The following DDI2 variants were observed in gnomAD, a reference collection of about 807,000 sequenced individuals.
DDI2 encodes DDI proteasomal shuttling factor 2.
A neutral mutation model predicts 48.1 loss-of-function variants in DDI2; 5 were observed. The observed-to-expected ratio is 0.10, with a 90% CI of 0.05 to 0.22. DDI2 has a LOEUF of 0.22. Ranked by LOEUF, DDI2 falls within the 10% of genes least tolerant of loss-of-function variation. DDI2 has a pLI of 1.00. For synonymous variants in DDI2, 205 were observed against 183.6 expected (o/e 1.12, Z -0.94); for missense variants, 285 against 506.2 (o/e 0.56, Z 4.19).
chr1:15,667,827 A>G lies in DDI2; in HGVS notation c.*8037A>G, dbSNP rs1245151282. On this transcript the variant is annotated 3_prime_UTR_variant, in exon 10 of 10. Coordinates refer to ENST00000480945, the MANE Select transcript of DDI2 (RefSeq NM_032341.5). The stretch of plus-strand genomic sequence containing the variant: ...AAGGTTTATCAGTTATGTATTGATG[A>G]TTGGTAATCTAGACCCTCTGGAGGC... The G allele has an allele frequency of 1.3e-5, 2 of 152,206 alleles. No homozygotes were observed. The highest frequency in any genetic ancestry group is 2.4e-5 in the African/African-American group (1 of 41,438). The allele number at this position is 152,206 out of a possible 1,614,324, so 9.4% of individuals were successfully genotyped here. A position where few individuals can be genotyped will look rare whatever the true frequency, so the allele number is the denominator to read the frequency against.
At position 15,661,109 on chromosome 1, in the gene DDI2, TCTC is replaced by T. The variant is rs1034421889; in HGVS notation, c.*1322_*1324del. 9 of 1,613,530 alleles carry T rather than the reference TCTC, an allele frequency of 5.6e-6. No individual in the cohort carries two copies. The highest frequency in any genetic ancestry group is 2.2e-5 in the South Asian group (2 of 91,000). ...ACCCAGAATGAACAGTGTCCACAAGTCTCCTTTCATCAGGCCATATCTGTATCA... is the reference window on the plus strand; with the variant it reads ...ACCCAGAATGAACAGTGTCCACAAGTCTTTCATCAGGCCATATCTGTATCA... On this transcript the variant is annotated 3_prime_UTR_variant, in exon 10 of 10. Coordinates refer to ENST00000480945, the MANE Select transcript of DDI2 (RefSeq NM_032341.5).
chr1:15,625,056 C>G (rs1437951348), intron 1 of DDI2, among the ~76,000 whole-genome samples: 4 of 152,160 alleles, frequency 2.6e-5, no homozygotes, highest in African/African-American at 9.7e-5. Flanking sequence ...TTCCTCATGT[C>G]TATAAATTCT....
rs146360104 is a variant in DDI2, at chr1:15,666,393, C to G, written c.*6603C>G. 13 of 152,330 alleles carry G rather than the reference C, an allele frequency of 8.5e-5. No individual in the cohort carries two copies. The highest frequency in any genetic ancestry group is 6.8e-3 in the Middle Eastern group (2 of 294). 9.4% of individuals were successfully genotyped at this position (152,330 alleles called of 1,614,324 possible). A position where few individuals can be genotyped will look rare whatever the true frequency, so the allele number is the denominator to read the frequency against. Reference sequence around the variant, plus strand: ...AGAGTGGTCCTCAGGCTCACCTTGACTGAGTTGATTCACAGTTATCCTGCA... The same window carrying G: ...AGAGTGGTCCTCAGGCTCACCTTGAGTGAGTTGATTCACAGTTATCCTGCA... On this transcript the variant is annotated 3_prime_UTR_variant, in exon 10 of 10. Coordinates refer to ENST00000480945, the MANE Select transcript of DDI2 (RefSeq NM_032341.5).
chr1:15,654,136 A>G (rs1411386304), intron 8 of DDI2, among the ~76,000 whole-genome samples: 2 of 152,194 alleles, frequency 1.3e-5, no homozygotes, highest in East Asian at 3.8e-4. Flanking sequence ...TTTCTAGTAC[A>G]GTAAATTATT....
At chr1:15,636,328 G>A (rs1043710128) in intron 4 of DDI2, among the ~76,000 whole-genome samples, 2 of 152,020 alleles carry the variant, frequency 1.3e-5, no homozygotes, top group African/African-American at 4.8e-5. Context: ...AGGTTTCGCC[G>A]TGTTGCCCAG....
At chr1:15,622,736 C>G (rs1269419531) in intron 1 of DDI2, among the ~76,000 whole-genome samples, 2 of 152,138 alleles carry the variant, frequency 1.3e-5, no homozygotes, top group Non-Finnish European at 2.9e-5. Context: ...GTTGGAAGAT[C>G]ACATGGATTT....
At chr1:15,649,942 G>T in intron 7 of DDI2, 119 bp downstream of exon 7, 1 of 935,296 alleles carries the variant, frequency 1.1e-6, no homozygotes, top group Non-Finnish European at 1.5e-6. Flanking sequence ...TTCAAACCTG[G>T]AAATGTCCTT....
At chr1:15,622,812 A>C (rs1639689112) in intron 1 of DDI2, among the ~76,000 whole-genome samples, 1 of 152,222 alleles carries the variant, frequency 6.6e-6, no homozygotes, top group African/African-American at 2.4e-5. Context: ...AAACAAAAAG[A>C]AATCAGTTCT....
rs114210525 is a variant in DDI2, at chr1:15,620,607, A to G, written c.138+2799A>G. On this transcript the variant is annotated intron_variant, in intron 1 of 9. Coordinates refer to ENST00000480945, the MANE Select transcript of DDI2 (RefSeq NM_032341.5). ...GTTCTGGCTATTTTTTCCTGCCACT[A>G]TGTGTCCACACCACTGGTGTCCAAA... 5.7e-3 allele frequency among the ~76,000 whole-genome samples: 866 copies of G among 152,132 alleles called. 7 individuals carry two copies. The highest frequency in any genetic ancestry group is 0.019 in the African/African-American group (807 of 41,490).
chr1:15,646,198 C>T (rs539011344), intron 6 of DDI2, among the ~76,000 whole-genome samples: 68 of 152,328 alleles, frequency 4.5e-4, no homozygotes, highest in African/African-American at 1.3e-3. Flanking sequence ...TGTGCCTCTG[C>T]GGCCTTCCCG....
chr1:15,632,949 G>T (rs967689303), intron 3 of DDI2, among the ~76,000 whole-genome samples: 7 of 139,442 alleles, frequency 5.0e-5, no homozygotes, highest in Non-Finnish European at 1.1e-4. Context: ...AAAAAACAGG[G>T]TCTCACCATG....
In DDI2 at chr1:15,634,948, C is replaced by A. The variant is rs186803308; in HGVS notation, c.632+1383C>A. Among the ~76,000 whole-genome samples the A allele has an allele frequency of 1.3e-4, 20 of 152,314 alleles. No homozygotes were observed. The East Asian group carries it at 3.7e-3, about 28-fold the overall frequency. ...GTCCTGCCTCTTACTCTTCTTACTA[C>A]ATTTGAAATCAGAAATACAGGCTAG... On this transcript the variant is annotated intron_variant, in intron 4 of 9. Coordinates refer to ENST00000480945, the MANE Select transcript of DDI2 (RefSeq NM_032341.5).
At chr1:15,630,677 T>C in intron 3 of DDI2, 116 bp downstream of exon 3, 1 of 749,670 alleles carries the variant, frequency 1.3e-6, no homozygotes, top group Non-Finnish European at 2.2e-6. Context: ...AACATACCAG[T>C]TTTTTCTCTG....
At chr1:15,647,622 C>T (rs944305977) in intron 6 of DDI2, among the ~76,000 whole-genome samples, 1 of 152,114 alleles carries the variant, frequency 6.6e-6, no homozygotes, top group Non-Finnish European at 1.5e-5. Flanking sequence ...AATGAATATT[C>T]ATCTTAGTGT....
At chr1:15,623,416 C>G (rs1639701668) in intron 1 of DDI2, among the ~76,000 whole-genome samples, 1 of 111,184 alleles carries the variant, frequency 9.0e-6, no homozygotes, top group South Asian at 2.8e-4. Context: ...TTTTAAGAGA[C>G]AAGATCTTAT....
intron 5 of DDI2, among the ~76,000 whole-genome samples, chr1:15,640,675 T>G (rs1193346717): frequency 6.6e-6 from 1 of 152,212 alleles, no homozygotes; most frequent in Non-Finnish European, 1.5e-5. Context: ...CTTTAATAAC[T>G]TGGCTTTTGT....
Position 15,660,288 on chromosome 1 carries a change from G to C in DDI2, c.*498G>C, listed in dbSNP as rs1487057774. On this transcript the variant is annotated 3_prime_UTR_variant, in exon 10 of 10. Coordinates refer to ENST00000480945, the MANE Select transcript of DDI2 (RefSeq NM_032341.5). ...GTTTATCTGTCACATCTACTAGGATGCATGAACCACAGATGTTTCTAGGTG... is the reference window on the plus strand; with the variant it reads ...GTTTATCTGTCACATCTACTAGGATCCATGAACCACAGATGTTTCTAGGTG... 1.9e-6 allele frequency: 3 copies of C among 1,614,170 alleles called. No individual in the cohort carries two copies. The highest frequency in any genetic ancestry group is 2.2e-5 in the South Asian group (2 of 91,086).
intron 1 of DDI2, among the ~76,000 whole-genome samples, chr1:15,619,184 G>A (rs530619476): frequency 1.1e-4 from 16 of 152,082 alleles, no homozygotes; most frequent in African/African-American, 3.9e-4. Flanking sequence ...GCAGTGGTGC[G>A]TTCTCGACTC....
intron 3 of DDI2, among the ~76,000 whole-genome samples, chr1:15,631,390 A>G (rs2103465588): frequency 6.6e-6 from 1 of 152,368 alleles, no homozygotes; most frequent in South Asian, 2.1e-4. Flanking sequence ...TGCTGGGATT[A>G]CAGGCATGAG....
Sources: allele counts gnomAD v4.1 joint callset (sites outside exome capture counted in the v4.1 genomes callset), GRCh38; gene constraint gnomAD v4.1.1; transcripts MANE v1.5; gene names NCBI Gene and HGNC (gene_info 2026-07-23, HGNC 2026-07-21).